Variants in CGGBP1 observed in about 807,000 individuals in gnomAD.
CGGBP1 encodes the protein CGG triplet repeat binding protein 1, also known as CGG triplet repeat-binding protein 1.
In CGGBP1, 4 loss-of-function variants were observed where a neutral mutation model predicts 11.4. The ratio of observed to expected loss-of-function variants is 0.35; its 90% CI spans 0.17 to 0.80. The LOEUF (loss-of-function observed/expected upper bound fraction) is 0.80. Ranked by LOEUF, CGGBP1 falls within the 30% of genes least tolerant of loss-of-function variation. The pLI, the probability that CGGBP1 is intolerant of heterozygous loss-of-function variation, is 0.52. For missense variants in CGGBP1, 135 were observed against 202.1 expected (o/e 0.67, Z 2.01); for synonymous variants, 76 against 74.1 (o/e 1.03, Z -0.13).
intron 2 of CGGBP1, among the ~76,000 whole-genome samples, chr3:88,122,975 A>G (rs1576324455): frequency 6.7e-6 from 1 of 150,160 alleles, no homozygotes; most frequent in Non-Finnish European, 1.5e-5. Context: ...GCACCATTGC[A>G]CTCCTGCCTG....
At chr3:88,074,146 A>C (rs1287892768) in intron 2 of CGGBP1, among the ~76,000 whole-genome samples, 1 of 152,110 alleles carries the variant, frequency 6.6e-6, no homozygotes, top group Admixed American at 6.5e-5. Context: ...CTAGAGTCTA[A>C]AGACATTAAG....
chr3:88,135,223 C>T, intron 2 of CGGBP1: 1 of 1,404,876 alleles, frequency 7.1e-7, no homozygotes, highest in Non-Finnish European at 9.2e-7. Flanking sequence ...TATATTTGTC[C>T]CTTAAATTTA....
intron 2 of CGGBP1, chr3:88,095,949 G>C: frequency 2.9e-6 from 1 of 339,394 alleles, no homozygotes; most frequent in South Asian, 2.8e-5. Flanking sequence ...AATGTTAGCT[G>C]TGTGCTTGGT....
At chr3:88,146,881 CTTGTAAT>C (rs900756227) in intron 1 of CGGBP1, among the ~76,000 whole-genome samples, 1 of 152,140 alleles carries the variant, frequency 6.6e-6, no homozygotes, top group Non-Finnish European at 1.5e-5. Context: ...AAACCAAAAC[CTTGTAAT>C]CATCCCTGAC....
At chr3:88,059,353 C>A, upstream of CGGBP1, 1 of 1,534,986 alleles carries the variant, frequency 6.5e-7, no homozygotes, top group Admixed American at 2.0e-5. Context: ...AGAGGCCGAA[C>A]GCCTCGGAGA....
intron 2 of CGGBP1, among the ~76,000 whole-genome samples, chr3:88,074,333 T>C (rs575177021): frequency 7.2e-6 from 1 of 138,026 alleles, no homozygotes; most frequent in Non-Finnish European, 1.5e-5. Flanking sequence ...CCAGGCTCTT[T>C]TTATATCTTA....
chr3:88,148,750 C>G (rs1404159578), intron 1 of CGGBP1, among the ~76,000 whole-genome samples: 1 of 152,176 alleles, frequency 6.6e-6, no homozygotes, highest in Non-Finnish European at 1.5e-5. Context: ...AAGCGATTCT[C>G]CTGCCTCAGC....
At position 88,051,992 on chromosome 3, in the gene CGGBP1, CAA is replaced by C. The variant is rs1350003261; in HGVS notation, c.*3479_*3480del. ...ATATATTTGTCATTGACTCACAAAA[CAA>C]AATGTGCTTTCAAAATCTTTTGAAA... On this transcript the variant is annotated 3_prime_UTR_variant, in exon 4 of 4. Transcript: ENST00000482016. 6.6e-6 allele frequency: 1 copy of C among 152,422 alleles called. No individual in the cohort carries two copies. Among genetic ancestry groups the C allele is most frequent in the African/African-American group, 2.4e-5 (1 of 41,430 alleles). The allele number at this position is 152,422 out of a possible 1,614,324, so 9.4% of individuals were successfully genotyped here.
chr3:88,140,254 A>T, intron 2 of CGGBP1: 1 of 1,613,876 alleles, frequency 6.2e-7, no homozygotes, highest in Non-Finnish European at 8.5e-7. Context: ...CCTCTGCTGT[A>T]TGAACATGAA....
chr3:88,102,287 C>T (rs1704472158), intron 2 of CGGBP1, among the ~76,000 whole-genome samples: 1 of 152,124 alleles, frequency 6.6e-6, no homozygotes, highest in South Asian at 2.1e-4. Flanking sequence ...GTGTTTTCTT[C>T]AGGGATGCTA....
At chr3:88,066,078 T>C (rs1371133078) in intron 2 of CGGBP1, among the ~76,000 whole-genome samples, 15 of 152,158 alleles carry the variant, frequency 9.9e-5, no homozygotes, top group African/African-American at 3.4e-4. Context: ...TTATTTTGAG[T>C]ATGATGAAAT....
rs1706671643 is a variant in CGGBP1, at chr3:88,058,973, C to A, written c.-489G>T. 4.4e-6 allele frequency: 1 copy of A among 225,618 alleles called. No homozygotes were observed. Among genetic ancestry groups the A allele is most frequent in the Non-Finnish European group, 8.5e-6 (1 of 117,844 alleles). 14.0% of individuals were successfully genotyped at this position (225,618 alleles called of 1,614,324 possible). A position where few individuals can be genotyped will look rare whatever the true frequency, so the allele number is the denominator to read the frequency against. ...CGAGCCCCGCGGCGGCCGCCGTGTC[C>A]CCCGCCGCGCCCCGTCCGCCTGCAC... On this transcript the variant is annotated 5_prime_UTR_variant, in exon 1 of 4. Transcript: ENST00000482016.
At chr3:88,059,860 T>C (rs1706753289), upstream of CGGBP1, among the ~76,000 whole-genome samples, 1 of 152,142 alleles carries the variant, frequency 6.6e-6, no homozygotes, top group Admixed American at 6.5e-5. Flanking sequence ...CCCTGGTCTT[T>C]CTCACCTCAT....
At chr3:88,123,027 GTAAAA>G (rs1488723382) in intron 2 of CGGBP1, among the ~76,000 whole-genome samples, 2 of 143,396 alleles carry the variant, frequency 1.4e-5, no homozygotes, top group African/African-American at 5.2e-5. Context: ...AAAAAAAAAA[GTAAAA>G]AGAAAAAAAG....
chr3:88,060,249 A>G (rs1369476676), upstream of CGGBP1, among the ~76,000 whole-genome samples: 1 of 152,112 alleles, frequency 6.6e-6, no homozygotes, highest in East Asian at 1.9e-4. Context: ...TATATAATGT[A>G]TTTTATTTAG....
intron 2 of CGGBP1, among the ~76,000 whole-genome samples, chr3:88,109,169 G>GTGTA (rs1195942085): frequency 2.6e-5 from 4 of 151,278 alleles, no homozygotes; most frequent in Admixed American, 6.6e-5. Context: ...GTGTGTGTGT[G>GTGTA]TGTGTGTGTG....
At chr3:88,089,191 T>TA (rs11328694) in intron 2 of CGGBP1, among the ~76,000 whole-genome samples, 6,875 of 131,122 alleles carry the variant, frequency 0.052, 181 homozygotes, top group Admixed American at 0.079. Context: ...GCTTACGTAT[T>TA]AAAAAAAAAA....
intron 1 of CGGBP1, among the ~76,000 whole-genome samples, chr3:88,145,473 T>A (rs867752185): frequency 1.3e-5 from 2 of 152,136 alleles, no homozygotes; most frequent in Non-Finnish European, 2.9e-5. Context: ...ATATTCCATA[T>A]TCAAAATAAT....
chr3:88,080,987 G>A (rs1173766424), intron 2 of CGGBP1, among the ~76,000 whole-genome samples: 3 of 152,022 alleles, frequency 2.0e-5, no homozygotes, highest in Admixed American at 6.5e-5. Context: ...GTGATCTCAC[G>A]TTGTATTTAG....
Sources: gnomAD v4.1 joint callset for allele counts (sites outside exome capture counted in the v4.1 genomes callset) on GRCh38, gnomAD v4.1.1 for gene constraint, MANE v1.5 for transcripts, NCBI Gene and HGNC (gene_info 2026-07-23, HGNC 2026-07-21) for gene names.